DLG2: variants seen among roughly 807,000 people sequenced by gnomAD.
DLG2 encodes the protein disks large homolog 2.
DLG2 carries 45 observed loss-of-function variants against 132.5 expected under a neutral mutation model. The ratio of observed to expected loss-of-function variants is 0.34; its 90% confidence interval spans 0.27 to 0.44. DLG2 has a LOEUF of 0.44. DLG2 is among the 20% of genes least tolerant of loss of function. The pLI is 1.00. For missense variants in DLG2, 1,045 were observed against 1,196.9 expected (o/e 0.87, Z 1.87); for synonymous variants, 424 against 419.6 (o/e 1.01, Z -0.13).
chr11:83,824,976 C>T (rs2052083158), intron 17 of DLG2, among the ~76,000 whole-genome samples: 1 of 151,488 alleles, frequency 6.6e-6, no homozygotes, highest in South Asian at 2.1e-4. Flanking sequence ...TGGAAAGGAG[C>T]AATGTTAATT....
chr11:84,502,210 CCTTCCTTCCTTCCTTCCTTCCT>C (rs2099211898), intron 7 of DLG2, among the ~76,000 whole-genome samples: 168 of 14,154 alleles, frequency 0.012, 36 homozygotes, highest in Middle Eastern at 0.029. Context: ...CTCCTTCCTT[CCTTCCTTCCTTCCTTCCTTCCT>C]TCCTTCCTTC....
intron 10 of DLG2, among the ~76,000 whole-genome samples, chr11:84,068,398 T>C (rs976419691): frequency 1.3e-5 from 2 of 152,254 alleles, no homozygotes; most frequent in African/African-American, 4.8e-5. Flanking sequence ...TTACATGTGT[T>C]ATCTCCCTTA....
intron 6 of DLG2, among the ~76,000 whole-genome samples, chr11:84,920,448 T>C (rs1412114561): frequency 6.6e-6 from 1 of 152,166 alleles, no homozygotes; most frequent in Non-Finnish European, 1.5e-5. Context: ...GTGATTTTGT[T>C]TGTTTGTTTT....
At chr11:83,558,306 A>T (rs1323702545) in intron 19 of DLG2, among the ~76,000 whole-genome samples, 1 of 152,134 alleles carries the variant, frequency 6.6e-6, no homozygotes, top group East Asian at 1.9e-4. Context: ...AACTGTCAGA[A>T]ATTTAAAAAA....
intron 6 of DLG2, among the ~76,000 whole-genome samples, chr11:84,872,981 T>C (rs148187912): frequency 6.6e-6 from 1 of 152,336 alleles, no homozygotes; most frequent in South Asian, 2.1e-4. Context: ...TTAGCATTTT[T>C]AGAAATATGG....
chr11:84,710,201 C>A (rs1393985695), intron 6 of DLG2, among the ~76,000 whole-genome samples: 1 of 151,958 alleles, frequency 6.6e-6, no homozygotes, highest in Non-Finnish European at 1.5e-5. Flanking sequence ...TTAGTCCAAT[C>A]TGCTTTGTGA....
intron 6 of DLG2, among the ~76,000 whole-genome samples, chr11:84,839,820 AC>A (rs1390009749): frequency 6.6e-6 from 1 of 152,106 alleles, no homozygotes; most frequent in Non-Finnish European, 1.5e-5. Context: ...CCTTCCTTAC[AC>A]CTTATACAAA....
chr11:85,036,227 G>GATTGATT (rs966429431), intron 6 of DLG2, among the ~76,000 whole-genome samples: 1 of 152,102 alleles, frequency 6.6e-6, no homozygotes, highest in Non-Finnish European at 1.5e-5. Context: ...AGAGGCTTTT[G>GATTGATT]ATTGATTATA....
intron 3 of DLG2, among the ~76,000 whole-genome samples, chr11:85,522,743 G>T (rs2074414526): frequency 1.3e-5 from 2 of 152,218 alleles, no homozygotes; most frequent in African/African-American, 4.8e-5. Context: ...CTTCTATGGG[G>T]TCTGTAGCCC....
chr11:84,890,000 T>C (rs1006180032), intron 6 of DLG2, among the ~76,000 whole-genome samples: 6 of 152,226 alleles, frequency 3.9e-5, no homozygotes, highest in African/African-American at 1.4e-4. Flanking sequence ...CAGTGAAATA[T>C]ATGGATAGTC....
chr11:84,976,416 C>T (rs956986713), intron 6 of DLG2, among the ~76,000 whole-genome samples: 7 of 152,038 alleles, frequency 4.6e-5, no homozygotes, highest in African/African-American at 1.7e-4. Context: ...AACAGAGAAC[C>T]TATGTACTTG....
intron 6 of DLG2, among the ~76,000 whole-genome samples, chr11:84,594,432 C>A (rs545645795): frequency 1.3e-5 from 2 of 152,192 alleles, no homozygotes; most frequent in South Asian, 2.1e-4. Context: ...CCAACAAAAG[C>A]CTCACCCAAA....
intron 3 of DLG2, among the ~76,000 whole-genome samples, chr11:85,504,899 T>G (rs1007156364): frequency 3.3e-5 from 5 of 152,204 alleles, no homozygotes; most frequent in African/African-American, 1.2e-4. Flanking sequence ...GAGCAGTGCT[T>G]TGTAGTTCTC....
chr11:85,134,613 T>C (rs942173299), intron 5 of DLG2, among the ~76,000 whole-genome samples: 4 of 151,326 alleles, frequency 2.6e-5, no homozygotes, highest in Admixed American at 1.3e-4. Flanking sequence ...GTAAGACTTC[T>C]ACTTTTCATG....
At chr11:84,054,600 T>C (rs779839432) in intron 11 of DLG2, among the ~76,000 whole-genome samples, 12 of 152,170 alleles carry the variant, frequency 7.9e-5, no homozygotes, top group Middle Eastern at 3.4e-3. Context: ...CTGAAATATA[T>C]GGCTATAAAT....
chr11:83,790,985 G>C (rs934384254), intron 17 of DLG2: 2 of 814,906 alleles, frequency 2.5e-6, no homozygotes, highest in African/African-American at 3.4e-5. Context: ...ACAGGTCTCC[G>C]TTCTGAGAAG....
At chr11:85,567,082 A>G (rs1414588184) in intron 3 of DLG2, among the ~76,000 whole-genome samples, 2 of 152,174 alleles carry the variant, frequency 1.3e-5, no homozygotes, top group African/African-American at 4.8e-5. Context: ...TAGCCTTGTA[A>G]TAACTTTTGA....
intron 11 of DLG2, among the ~76,000 whole-genome samples, chr11:84,049,187 A>C (rs1205259259): frequency 1.3e-5 from 2 of 151,820 alleles, no homozygotes; most frequent in Non-Finnish European, 2.9e-5. Flanking sequence ...AAAAGCTGGT[A>C]AAATTTATTT....
chr11:83,771,886 A>C (rs986826939), intron 18 of DLG2, among the ~76,000 whole-genome samples: 10 of 152,180 alleles, frequency 6.6e-5, no homozygotes, highest in African/African-American at 2.4e-4. Context: ...GATGTCTATG[A>C]TATGAAACTG....
Sources: gnomAD v4.1 joint callset for allele counts (sites outside exome capture counted in the v4.1 genomes callset) on GRCh38, gnomAD v4.1.1 for gene constraint, MANE v1.5 for transcripts, NCBI Gene and HGNC (gene_info 2026-07-23, HGNC 2026-07-21) for gene names.